Variants in DSCAM observed in about 807,000 individuals in gnomAD.
DSCAM encodes the protein DS cell adhesion molecule, also known as cell adhesion molecule DSCAM.
DSCAM carries 47 observed loss-of-function variants against 217.7 expected under a neutral mutation model. That is an observed-to-expected ratio of 0.22 (90% CI 0.17 to 0.28). The LOEUF (loss-of-function observed/expected upper bound fraction) is 0.28. DSCAM is among the 10% of genes least tolerant of loss of function. The pLI is 1.00. For missense variants in DSCAM, 2,080 were observed against 2,618.3 expected (o/e 0.79, Z 4.49); for synonymous variants, 1,056 against 1,015.3 (o/e 1.04, Z -0.76).
chr21:40,108,720 A>G (rs1000948015), intron 20 of DSCAM, among the ~76,000 whole-genome samples: 8 of 152,146 alleles, frequency 5.3e-5, no homozygotes, highest in Admixed American at 2.0e-4. Flanking sequence ...GAACAAAGCT[A>G]GAAGCATCAT....
At chr21:40,337,533 A>C (rs1261165108) in intron 8 of DSCAM, among the ~76,000 whole-genome samples, 1 of 152,170 alleles carries the variant, frequency 6.6e-6, no homozygotes, top group Non-Finnish European at 1.5e-5. Context: ...TTCAAATTGC[A>C]GGATCTCTAA....
intron 3 of DSCAM, among the ~76,000 whole-genome samples, chr21:40,631,697 T>A (rs1040720218): frequency 2.0e-5 from 3 of 152,250 alleles, no homozygotes; most frequent in Non-Finnish European, 2.9e-5. Context: ...TGAATCTGGA[T>A]GATAGAATCT....
chr21:40,608,817 T>G (rs757968033), intron 3 of DSCAM, among the ~76,000 whole-genome samples: 1 of 152,210 alleles, frequency 6.6e-6, no homozygotes, highest in Non-Finnish European at 1.5e-5. Flanking sequence ...TGGTTTGAAG[T>G]GTACCAGGGA....
At chr21:40,737,486 C>A (rs189291273) in intron 1 of DSCAM, among the ~76,000 whole-genome samples, 1 of 152,176 alleles carries the variant, frequency 6.6e-6, no homozygotes, top group East Asian at 1.9e-4. Context: ...AAAAAAAATA[C>A]AAAAATTAGC....
At chr21:40,182,037 C>T (rs1461526899) in intron 14 of DSCAM, among the ~76,000 whole-genome samples, 3 of 152,078 alleles carry the variant, frequency 2.0e-5, no homozygotes, top group Non-Finnish European at 2.9e-5. Context: ...TGCTGGGGAG[C>T]TCGCCTTGGG....
At chr21:40,343,887 T>C (rs1017134551) in intron 6 of DSCAM, among the ~76,000 whole-genome samples, 1 of 150,488 alleles carries the variant, frequency 6.6e-6, no homozygotes, top group African/African-American at 2.4e-5. Context: ...TATTATTTTA[T>C]TTCATTTTAT....
intron 3 of DSCAM, among the ~76,000 whole-genome samples, chr21:40,479,742 T>A (rs1385669725): frequency 1.3e-5 from 2 of 152,100 alleles, no homozygotes; most frequent in Non-Finnish European, 2.9e-5. Flanking sequence ...AAGATGAGAT[T>A]TGGGTGGGGA....
At chr21:40,647,279 G>A (rs1043600089) in intron 3 of DSCAM, among the ~76,000 whole-genome samples, 1 of 152,104 alleles carries the variant, frequency 6.6e-6, no homozygotes, top group African/African-American at 2.4e-5. Context: ...CTGTGTGGGT[G>A]AGCACTGTTT....
At chr21:40,567,675 C>A (rs370099946) in intron 3 of DSCAM, among the ~76,000 whole-genome samples, 1 of 152,256 alleles carries the variant, frequency 6.6e-6, no homozygotes, top group Admixed American at 6.5e-5. Context: ...TCAGGCCCAA[C>A]ATCTGTCTCC....
chr21:40,447,790 T>A (rs1001410366), intron 3 of DSCAM, among the ~76,000 whole-genome samples: 1 of 152,234 alleles, frequency 6.6e-6, no homozygotes. Context: ...AGACAGCTTA[T>A]CTGTGGTAGG....
chr21:40,588,715 G>C (rs538491419), intron 3 of DSCAM, among the ~76,000 whole-genome samples: 8 of 151,638 alleles, frequency 5.3e-5, no homozygotes, highest in Non-Finnish European at 1.0e-4. Context: ...CTAGACGAAA[G>C]AAAAAAAGAC....
chr21:40,301,907 C>G (rs1241276432), intron 9 of DSCAM, among the ~76,000 whole-genome samples: 1 of 152,154 alleles, frequency 6.6e-6, no homozygotes, highest in African/African-American at 2.4e-5. Context: ...ATCTGAGGGA[C>G]AGCAGAAGAC....
At chr21:40,832,830 ACAC>A (rs1251484978) in intron 1 of DSCAM, among the ~76,000 whole-genome samples, 1 of 152,128 alleles carries the variant, frequency 6.6e-6, no homozygotes, top group Admixed American at 6.5e-5. Flanking sequence ...ATCAATGACA[ACAC>A]CACCATCGAT....
At chr21:40,141,340 C>A (rs1052481954) in intron 18 of DSCAM, among the ~76,000 whole-genome samples, 10 of 152,230 alleles carry the variant, frequency 6.6e-5, no homozygotes, top group Admixed American at 1.3e-4. Flanking sequence ...CCAGGCTGGG[C>A]GTGGTGGGTC....
chr21:40,760,420 C>T (rs911531137), intron 1 of DSCAM, among the ~76,000 whole-genome samples: 11 of 152,254 alleles, frequency 7.2e-5, no homozygotes, highest in East Asian at 1.9e-4. Context: ...GAGAGGGTGA[C>T]GTTAGCTTGC....
intron 15 of DSCAM, among the ~76,000 whole-genome samples, chr21:40,172,946 C>A (rs1410169792): frequency 6.6e-6 from 1 of 152,166 alleles, no homozygotes; most frequent in Non-Finnish European, 1.5e-5. Context: ...TAGTAAAAAT[C>A]AAAATACGAC....
chr21:40,475,656 C>A (rs183193585), intron 3 of DSCAM, among the ~76,000 whole-genome samples: 1 of 151,834 alleles, frequency 6.6e-6, no homozygotes, highest in African/African-American at 2.4e-5. Context: ...CATGGTGAGA[C>A]CCCATCTCTA....
intron 3 of DSCAM, 150 bp downstream of exon 3, chr21:40,692,660 A>T: frequency 1.0e-6 from 1 of 978,700 alleles, no homozygotes; most frequent in Non-Finnish European, 1.5e-6. Flanking sequence ...CAAAACACTT[A>T]TTTCAGGTTT....
At chr21:40,518,510 A>ATATATGATATATATAT (rs2076330095) in intron 3 of DSCAM, among the ~76,000 whole-genome samples, 1 of 13,058 alleles carries the variant, frequency 7.7e-5, no homozygotes, top group African/African-American at 7.2e-4. Flanking sequence ...TATATATATA[A>ATATATGATATATATAT]TATATATAAT....
Sources: gnomAD v4.1 joint callset for allele counts (sites outside exome capture counted in the v4.1 genomes callset) on GRCh38, gnomAD v4.1.1 for gene constraint, MANE v1.5 for transcripts, NCBI Gene and HGNC (gene_info 2026-07-23, HGNC 2026-07-21) for gene names.